LRFN5: variants seen among roughly 807,000 people sequenced by gnomAD.
The protein encoded by LRFN5 is leucine rich repeat and fibronectin type III domain containing 5, also known as leucine-rich repeat and fibronectin type-III domain-containing protein 5.
LRFN5 carries 24 observed loss-of-function variants against 45.6 expected under a neutral mutation model. The observed-to-expected ratio is 0.53, with a 90% confidence interval of 0.38 to 0.74. LRFN5 has a LOEUF of 0.74. LRFN5 is among the 30% of genes least tolerant of loss of function. The probability of loss-of-function intolerance (pLI) is 0.00; values close to 1 mark genes in which losing one functional copy is unlikely to be tolerated. For missense variants in LRFN5, 776 were observed against 861.5 expected (o/e 0.90, Z 1.24); for synonymous variants, 340 against 313.8 (o/e 1.08, Z -0.88).
intron 1 of LRFN5, among the ~76,000 whole-genome samples, chr14:41,695,620 C>T (rs969625718): frequency 6.6e-6 from 1 of 151,916 alleles, no homozygotes; most frequent in African/African-American, 2.4e-5. Flanking sequence ...ATCTACTCTG[C>T]CTATGCTCTA....
intron 2 of LRFN5, among the ~76,000 whole-genome samples, chr14:41,881,895 G>A (rs114369701): frequency 0.037 from 5,657 of 152,228 alleles, 133 homozygotes; most frequent in South Asian, 0.069. Flanking sequence ...CTGCAGATAC[G>A]TTAGAATTTT....
At chr14:41,665,259 A>G (rs1405083617) in intron 1 of LRFN5, among the ~76,000 whole-genome samples, 1 of 151,982 alleles carries the variant, frequency 6.6e-6, no homozygotes, top group Non-Finnish European at 1.5e-5. Context: ...AATGTTTTCC[A>G]ATGAAGAAAT....
chr14:41,639,581 A>G (rs1032106374), intron 1 of LRFN5, among the ~76,000 whole-genome samples: 2 of 152,114 alleles, frequency 1.3e-5, no homozygotes, highest in African/African-American at 2.4e-5. Flanking sequence ...CACAGGATCA[A>G]TGTGAGGAAG....
At chr14:41,644,530 A>C (rs1042956232) in intron 1 of LRFN5, among the ~76,000 whole-genome samples, 4 of 152,136 alleles carry the variant, frequency 2.6e-5, no homozygotes, top group African/African-American at 9.7e-5. Context: ...GTTATCATGA[A>C]CCATGTACCA....
chr14:41,900,087 T>A (rs1450221281), intron 5 of LRFN5, among the ~76,000 whole-genome samples: 1 of 152,116 alleles, frequency 6.6e-6, no homozygotes, highest in Non-Finnish European at 1.5e-5. Flanking sequence ...TCTCCTTCTC[T>A]TTCTCTCTTT....
At position 41,856,170 on chromosome 14, in the gene LRFN5, A is replaced by G. The variant is rs558787595; in HGVS notation, c.-20-30436A>G. ...TCTAGCTTTTTCTTTCAGCAAATAT[A>G]GCAAATGTACTGTCATTGTGAAATT... On this transcript the variant is annotated intron_variant, in intron 2 of 5. Coordinates refer to ENST00000298119, the MANE Select transcript of LRFN5 (RefSeq NM_152447.5). 7.2e-5 allele frequency among the ~76,000 whole-genome samples: 11 copies of G among 152,340 alleles called. No individual in the cohort carries two copies. In the East Asian group the frequency reaches 1.5e-3, roughly 21 times the overall value.
chr14:41,611,448 G>C (rs1408985503), intron 1 of LRFN5, among the ~76,000 whole-genome samples: 2 of 152,190 alleles, frequency 1.3e-5, no homozygotes, highest in African/African-American at 4.8e-5. Flanking sequence ...GTTCATTGAT[G>C]AGTTAACACT....
At chr14:41,690,134 C>A (rs2138703182) in intron 1 of LRFN5, among the ~76,000 whole-genome samples, 1 of 152,022 alleles carries the variant, frequency 6.6e-6, no homozygotes, top group Middle Eastern at 3.4e-3. Context: ...ACAGTACTTG[C>A]AAACCAAATG....
chr14:41,727,645 T>G (rs994088652), intron 1 of LRFN5, among the ~76,000 whole-genome samples: 1 of 151,692 alleles, frequency 6.6e-6, no homozygotes. Context: ...ATAAATATAT[T>G]TTTAAAATAA....
intron 2 of LRFN5, among the ~76,000 whole-genome samples, chr14:41,829,997 G>A (rs560384823): frequency 2.0e-5 from 3 of 150,956 alleles, no homozygotes; most frequent in Admixed American, 6.6e-5. Flanking sequence ...ACTATTTAGA[G>A]CTTTGGATTT....
intron 1 of LRFN5, among the ~76,000 whole-genome samples, chr14:41,730,753 T>C (rs1884137599): frequency 6.6e-6 from 1 of 151,886 alleles, no homozygotes; most frequent in Non-Finnish European, 1.5e-5. Flanking sequence ...ATAGAATATA[T>C]ATGTATATAT....
intron 1 of LRFN5, among the ~76,000 whole-genome samples, chr14:41,649,794 C>T (rs570059901): frequency 7.2e-5 from 11 of 152,266 alleles, no homozygotes; most frequent in African/African-American, 2.4e-4. Context: ...GAACTCCACA[C>T]TGCTCTTTGG....
intron 1 of LRFN5, among the ~76,000 whole-genome samples, chr14:41,713,901 G>A (rs1282535548): frequency 6.6e-6 from 1 of 152,072 alleles, no homozygotes; most frequent in African/African-American, 2.4e-5. Flanking sequence ...TTCTTAATGT[G>A]AGTTAGAAAA....
intron 2 of LRFN5, among the ~76,000 whole-genome samples, chr14:41,816,923 T>C (rs1316737524): frequency 1.3e-5 from 2 of 151,900 alleles, no homozygotes; most frequent in Non-Finnish European, 2.9e-5. Flanking sequence ...ATACCATTTG[T>C]AATTATTTCT....
chr14:41,848,504 G>A (rs1009610681), intron 2 of LRFN5, among the ~76,000 whole-genome samples: 9 of 144,228 alleles, frequency 6.2e-5, no homozygotes, highest in Admixed American at 3.5e-4. Context: ...TTTTTTTTTC[G>A]TATTCGTCAG....
chr14:41,671,799 G>T (rs763041811), intron 1 of LRFN5, among the ~76,000 whole-genome samples: 2 of 151,860 alleles, frequency 1.3e-5, no homozygotes, highest in Non-Finnish European at 2.9e-5. Context: ...TGTATTTTTA[G>T]TAGAGACAGG....
Position 41,856,675 on chromosome 14 carries a change from A to ATTATTTTTTTTTTTTTTTTTT in LRFN5, c.-20-29929_-20-29928insATTTTTTTTTTTTTTTTTTTT. 1.9e-3 allele frequency among the ~76,000 whole-genome samples: 35 copies of ATTATTTTTTTTTTTTTTTTTT among 18,330 alleles called. 2 individuals are homozygous for ATTATTTTTTTTTTTTTTTTTT. Among genetic ancestry groups the ATTATTTTTTTTTTTTTTTTTT allele is most frequent in the Non-Finnish European group, 2.9e-3 (23 of 7,820 alleles). 12.0% of individuals were successfully genotyped at this position (18,330 alleles called of 152,430 possible). ...TTCTTTCCTAATTATTATTATTATTATTTTTTTTTTTTTTTTTTTGAGACG... is the reference window on the plus strand; with the variant it reads ...TTCTTTCCTAATTATTATTATTATTATTATTTTTTTTTTTTTTTTTTTTTTTTTTTTTTTTTTTTTGAGACG... On this transcript the variant is annotated intron_variant, in intron 2 of 5. Transcript: ENST00000298119.
intron 2 of LRFN5, among the ~76,000 whole-genome samples, chr14:41,794,824 T>C (rs1158309297): frequency 6.6e-6 from 1 of 152,054 alleles, no homozygotes; most frequent in Non-Finnish European, 1.5e-5. Context: ...ATAATCTGCT[T>C]CAAAATTGTG....
chr14:41,889,013 G>A (rs74791274), intron 3 of LRFN5, among the ~76,000 whole-genome samples: 161 of 81,924 alleles, frequency 2.0e-3, no homozygotes, highest in Middle Eastern at 8.9e-3. Context: ...ATATATATAT[G>A]TGTGTGTATA....
Sources: allele counts gnomAD v4.1 joint callset (sites outside exome capture counted in the v4.1 genomes callset), GRCh38; gene constraint gnomAD v4.1.1; transcripts MANE v1.5; gene names NCBI Gene and HGNC (gene_info 2026-07-23, HGNC 2026-07-21).